PPP6R1: variants seen among roughly 807,000 people sequenced by gnomAD.
PPP6R1 encodes serine/threonine-protein phosphatase 6 regulatory subunit 1.
A neutral mutation model predicts 104.6 loss-of-function variants in PPP6R1; 39 were observed. The observed-to-expected ratio is 0.37, with a 90% CI of 0.29 to 0.49. PPP6R1 has a LOEUF of 0.49. PPP6R1 is among the 20% of genes least tolerant of loss of function. PPP6R1 has a pLI of 0.98. For missense variants in PPP6R1, 1,181 were observed against 1,155.8 expected, an observed-to-expected ratio of 1.02 and a Z score of -0.32; for synonymous variants, 549 against 479.0, an observed-to-expected ratio of 1.15 and a Z score of -1.91.
chr19:55,247,687 G>A (rs1021022169), intron 1 of PPP6R1, among the ~76,000 whole-genome samples: 2 of 152,208 alleles, frequency 1.3e-5, no homozygotes, highest in African/African-American at 4.8e-5. Context: ...GGCTACGTGG[G>A]AGGCATGGGG....
intron 17 of PPP6R1, among the ~76,000 whole-genome samples, chr19:55,235,723 T>C (rs560536589): frequency 6.6e-4 from 101 of 152,028 alleles, no homozygotes; most frequent in African/African-American, 2.3e-3. Context: ...TTTCACCATG[T>C]TAGCCAGGAT....
chr19:55,228,823 T>C, downstream of PPP6R1: 2 of 1,434,810 alleles, frequency 1.4e-6, no homozygotes, highest in South Asian at 2.4e-5. Flanking sequence ...GGTTACACGT[T>C]AACCCAAGGA....
At position 55,230,549 on chromosome 19, in the gene PPP6R1, TGTC is replaced by T. The variant is rs1289422795; in HGVS notation, c.2643-21_2643-19del. 3.1e-6 allele frequency: 5 copies of T among 1,613,326 alleles called. No individual in the cohort carries two copies. The Admixed American group carries it at 8.3e-5, about 27-fold the overall frequency. On this transcript the variant is annotated intron_variant, in intron 23 of 23. Transcript: ENST00000412770. ...GCAGCTATCTGGAAACAGAGGGAGATGTCGTGTGAGGGTCTAGCAGGCCCAGCC... is the reference window on the plus strand; with the variant it reads ...GCAGCTATCTGGAAACAGAGGGAGATGTGTGAGGGTCTAGCAGGCCCAGCC...
intron 2 of PPP6R1, among the ~76,000 whole-genome samples, chr19:55,246,259 T>C (rs990277493): frequency 6.6e-6 from 1 of 152,064 alleles, no homozygotes; most frequent in African/African-American, 2.4e-5. Flanking sequence ...GGCGAAACCC[T>C]GTCTCTACCA....
chr19:55,244,119 C>T lies in PPP6R1; in HGVS notation c.618+1001G>A, dbSNP rs146446005. On this transcript the variant is annotated intron_variant, in intron 5 of 23. Coordinates refer to ENST00000412770, the MANE Select transcript of PPP6R1 (RefSeq NM_014931.4). Reference sequence around the variant, plus strand: ...CATAAGCAGAGCTGAGTCTACCCAACGGGCAGCTGCCAGGGCTTGGCAGTG... The same window carrying T: ...CATAAGCAGAGCTGAGTCTACCCAATGGGCAGCTGCCAGGGCTTGGCAGTG... Among the ~76,000 whole-genome samples, 14 of 152,328 alleles carry T rather than the reference C, an allele frequency of 9.2e-5. No homozygotes were observed. The East Asian group carries it at 2.1e-3, about 23-fold the overall frequency.
chr19:55,239,289 C>G (rs951963025), intron 15 of PPP6R1, 116 bp downstream of exon 15: 3 of 1,072,420 alleles, frequency 2.8e-6, no homozygotes, highest in East Asian at 5.2e-5. Context: ...GGAGGGGCCA[C>G]AGCTGCAGGC....
intron 1 of PPP6R1, among the ~76,000 whole-genome samples, chr19:55,250,924 G>A (rs1054837576): frequency 2.0e-5 from 3 of 152,072 alleles, no homozygotes; most frequent in East Asian, 1.9e-4. Context: ...CCCTCTCATC[G>A]GGTCAGCGCC....
Position 55,242,417 on chromosome 19 carries a change from C to T in PPP6R1, c.690G>A (p.Gln230=), listed in dbSNP as rs191587392. The part of the protein sequence containing the change: ...RLSREQMIQV[Q]DSPEPDQLLA... ...GCAGTTGGTCAGGCTCTGGGCTGTC[C>T]TGGACTTGGATCATCTGCTCCCGGC... Residue 230 remains glutamine (Q), a synonymous_variant, in exon 6 of 24, where the codon CAG becomes CAA. Coordinates refer to ENST00000412770, the MANE Select transcript of PPP6R1 (RefSeq NM_014931.4). The T allele has an allele frequency of 8.1e-4, 1,300 of 1,614,012 alleles. 4 individuals are homozygous for T. Among genetic ancestry groups the T allele is most frequent in the South Asian group, 1.1e-3 (102 of 91,090 alleles).
intron 15 of PPP6R1, among the ~76,000 whole-genome samples, chr19:55,237,609 T>C (rs2087411214): frequency 6.6e-6 from 1 of 152,130 alleles, no homozygotes; most frequent in Admixed American, 6.5e-5. Flanking sequence ...GCCACAAAGA[T>C]CAATGGATAA....
chr19:55,258,807 GC>G lies in PPP6R1; in HGVS notation c.-380del. The G allele has an allele frequency of 6.6e-6, 1 of 152,206 alleles. No individual in the cohort carries two copies. The highest frequency in any genetic ancestry group is 2.1e-4 in the South Asian group (1 of 4,834). The allele number at this position is 152,206 out of a possible 1,614,324, so 9.4% of individuals were successfully genotyped here. A position where few individuals can be genotyped will look rare whatever the true frequency, so the allele number is the denominator to read the frequency against. ...CTCAGCCGGGAAGACGGGGGAAGTT[GC>G]CCCGGTTTCCACAGTCCAACCGAGC... On this transcript the variant is annotated 5_prime_UTR_variant, in exon 1 of 24. Transcript: ENST00000412770.
chr19:55,242,916 C>T (rs1476545418), intron 5 of PPP6R1, among the ~76,000 whole-genome samples: 2 of 152,200 alleles, frequency 1.3e-5, no homozygotes, highest in Admixed American at 1.3e-4. Flanking sequence ...ACACACAGAT[C>T]ACGTAGTACA....
intron 5 of PPP6R1, among the ~76,000 whole-genome samples, chr19:55,243,117 T>C (rs1176560124): frequency 6.6e-6 from 1 of 152,028 alleles, no homozygotes; most frequent in South Asian, 2.1e-4. Flanking sequence ...CCCAGCAGTC[T>C]GAAAGGCCGA....
chr19:55,228,812 T>C (rs1423152355), downstream of PPP6R1: 6 of 1,505,428 alleles, frequency 4.0e-6, no homozygotes, highest in Middle Eastern at 1.7e-4. Context: ...GGAGGGCTCA[T>C]GGTTACACGT....
At chr19:55,233,585 G>C (rs970706475) in intron 17 of PPP6R1, among the ~76,000 whole-genome samples, 6 of 152,192 alleles carry the variant, frequency 3.9e-5, no homozygotes, top group African/African-American at 1.4e-4. Context: ...TCATACATTA[G>C]TTCAGCAAGG....
chr19:55,230,795 A>G lies in PPP6R1; in HGVS notation c.2549T>C (p.Leu850Ser). 1.5e-6 allele frequency: 2 copies of G among 1,303,488 alleles called. No individual in the cohort carries two copies. Among genetic ancestry groups the G allele is most frequent in the Non-Finnish European group, 2.0e-6 (2 of 1,001,212 alleles). The allele number at this position is 1,303,488 out of a possible 1,614,324, so 80.7% of individuals were successfully genotyped here. A position where few individuals can be genotyped will look rare whatever the true frequency, so the allele number is the denominator to read the frequency against. ...TTEGEKSPEP[L>S]GLPQSQSAQA... Reference sequence around the variant, plus strand: ...TCACCTCTGGCTTTGGGGAAGCCCCAAGGGCTCTGGGCTCTTCTCCCCTTC... The same window carrying G: ...TCACCTCTGGCTTTGGGGAAGCCCCGAGGGCTCTGGGCTCTTCTCCCCTTC... Residue 850 changes from leucine (L) to serine (S), a missense_variant, in exon 22 of 24, where the codon TTG (leucine) becomes TCG (serine). Leu to Ser is a moderately radical substitution (Grantham distance 145). Around this residue, in one of 2 missense-constraint regions of PPP6R1, gnomAD observed 1,042 missense variants for 955.6 expected, o/e 1.09. Coordinates refer to ENST00000412770, the MANE Select transcript of PPP6R1 (RefSeq NM_014931.4).
intron 1 of PPP6R1, among the ~76,000 whole-genome samples, chr19:55,257,759 C>G (rs904683303): frequency 2.0e-5 from 3 of 152,248 alleles, no homozygotes; most frequent in African/African-American, 2.4e-5. Flanking sequence ...CTTTGTACCC[C>G]CTCCAGGGAC....
rs558557341 is a variant in PPP6R1 at position 55,235,814 on chromosome 19, G to T, written c.1988+829C>A. The stretch of plus-strand genomic sequence containing the variant: ...ATTACAGGCGTGAGCCACCGTGCCC[G>T]GCTGATTTTTTTTAATTTGTTGATT... On this transcript the variant is annotated intron_variant, in intron 17 of 23. Transcript: ENST00000412770. Among the ~76,000 whole-genome samples, 318 of 151,284 alleles carry T rather than the reference G, an allele frequency of 2.1e-3. 1 individual carries two copies. Among genetic ancestry groups the T allele is most frequent in the African/African-American group, 6.5e-3 (266 of 41,208 alleles).
At chr19:55,233,610 A>G (rs934447050) in intron 17 of PPP6R1, among the ~76,000 whole-genome samples, 1 of 152,250 alleles carries the variant, frequency 6.6e-6, no homozygotes, top group African/African-American at 2.4e-5. Flanking sequence ...AGGATGAAAG[A>G]TCAACATACA....
chr19:55,232,498 C>CA (rs1172101230), intron 17 of PPP6R1: 3 of 422,956 alleles, frequency 7.1e-6, no homozygotes, highest in Non-Finnish European at 1.3e-5. Context: ...GGCTGAGCCT[C>CA]AGCCATGGCA....
Sources: allele counts gnomAD v4.1 joint callset (sites outside exome capture counted in the v4.1 genomes callset), GRCh38; gene constraint gnomAD v4.1.1; regional missense constraint gnomAD v4.1.1; transcripts MANE v1.5; gene names NCBI Gene and HGNC (gene_info 2026-07-23, HGNC 2026-07-21).